WWOX: variants seen among roughly 807,000 people sequenced by gnomAD.
The protein encoded by WWOX is WW domain-containing oxidoreductase.
Under a neutral mutation model 46.2 loss-of-function variants are expected in WWOX, and 69 were observed. The ratio of observed to expected loss-of-function variants is 1.49; its 90% CI spans 1.23 to 1.82. The LOEUF is 1.82. WWOX is among the 40% of genes most tolerant of loss of function. The probability of loss-of-function intolerance (pLI) is 0.00; values close to 1 mark genes in which losing one functional copy is unlikely to be tolerated. For synonymous variants in WWOX, 359 were observed against 202.6 expected, an observed-to-expected ratio of 1.77 and a Z score of -6.56; for missense variants, 919 against 542.6, an observed-to-expected ratio of 1.69 and a Z score of -6.89.
At chr16:78,245,746 T>C (rs1259533102) in intron 5 of WWOX, among the ~76,000 whole-genome samples, 1 of 152,194 alleles carries the variant, frequency 6.6e-6, no homozygotes, top group Non-Finnish European at 1.5e-5. Context: ...AGTTCCAAAT[T>C]TGAATGTTTC....
chr16:79,003,308 G>A (rs1486087483), intron 8 of WWOX, among the ~76,000 whole-genome samples: 1 of 152,192 alleles, frequency 6.6e-6, no homozygotes, highest in Admixed American at 6.5e-5. Flanking sequence ...CAAGGAATGG[G>A]AGGAACGGGG....
chr16:78,528,504 C>G (rs558231628), intron 8 of WWOX, among the ~76,000 whole-genome samples: 99 of 152,180 alleles, frequency 6.5e-4, no homozygotes, highest in African/African-American at 2.2e-3. Flanking sequence ...TTCATGATGA[C>G]TTTAAAATTA....
chr16:78,873,501 G>A (rs2044171050), intron 8 of WWOX: 1 of 152,130 alleles, frequency 6.6e-6, no homozygotes, highest in African/African-American at 2.4e-5. Context: ...TAAATACTTG[G>A]AGGGCCAGGC....
At chr16:78,955,279 T>A (rs868867201) in intron 8 of WWOX, among the ~76,000 whole-genome samples, 11 of 152,174 alleles carry the variant, frequency 7.2e-5, no homozygotes, top group Middle Eastern at 3.2e-3. Flanking sequence ...ATGTCCCTCA[T>A]GCCCTAAAAT....
chr16:78,453,399 G>C (rs1371557515), intron 8 of WWOX, among the ~76,000 whole-genome samples: 2 of 151,342 alleles, frequency 1.3e-5, no homozygotes, highest in Non-Finnish European at 2.9e-5. Context: ...CTTCAGCCTG[G>C]GCGCATGAGC....
chr16:78,778,130 C>G (rs929222940), intron 8 of WWOX, among the ~76,000 whole-genome samples: 1 of 151,410 alleles, frequency 6.6e-6, no homozygotes, highest in African/African-American at 2.4e-5. Flanking sequence ...GTCTGAAGTT[C>G]AAACTGGTGA....
intron 8 of WWOX, among the ~76,000 whole-genome samples, chr16:78,931,544 A>T (rs1484596144): frequency 6.6e-6 from 1 of 152,198 alleles, no homozygotes; most frequent in African/African-American, 2.4e-5. Flanking sequence ...AAAGGTGAGG[A>T]TACAAAGGCA....
intron 8 of WWOX, among the ~76,000 whole-genome samples, chr16:79,104,380 G>A (rs575055332): frequency 8.5e-5 from 13 of 152,076 alleles, no homozygotes; most frequent in East Asian, 1.9e-4. Context: ...ATACATCAAA[G>A]TTGAAAGAAT....
chr16:78,170,484 G>C (rs557602806), intron 5 of WWOX, among the ~76,000 whole-genome samples: 6 of 152,308 alleles, frequency 3.9e-5, no homozygotes, highest in Admixed American at 2.6e-4. Context: ...GCAAAGTGAT[G>C]CTTACTTTTC....
chr16:78,100,405 A>G (rs2031693810), intron 1 of WWOX, among the ~76,000 whole-genome samples: 1 of 152,092 alleles, frequency 6.6e-6, no homozygotes, highest in African/African-American at 2.4e-5. Flanking sequence ...AGCGTGCACT[A>G]CTATGCCCGA....
intron 8 of WWOX, among the ~76,000 whole-genome samples, chr16:78,728,043 T>TCTCC (rs2048877050): frequency 1.1e-5 from 1 of 88,172 alleles, no homozygotes; most frequent in Non-Finnish European, 2.3e-5. Flanking sequence ...CTCTTTCCTC[T>TCTCC]CTCCCTCCTT....
At chr16:78,661,536 C>T (rs754038567) in intron 8 of WWOX, among the ~76,000 whole-genome samples, 5 of 151,988 alleles carry the variant, frequency 3.3e-5, no homozygotes, top group South Asian at 4.2e-4. Context: ...TAGCTTTCAC[C>T]GCGGCATCTT....
At chr16:78,706,072 T>TTG in intron 8 of WWOX, among the ~76,000 whole-genome samples, 1 of 150,976 alleles carries the variant, frequency 6.6e-6, no homozygotes, top group East Asian at 1.9e-4. Context: ...TTTTTTTTTT[T>TTG]TTTTTTTGAC....
intron 8 of WWOX, among the ~76,000 whole-genome samples, chr16:78,584,959 A>G (rs1385696589): frequency 1.3e-5 from 2 of 152,222 alleles, no homozygotes; most frequent in Admixed American, 6.5e-5. Flanking sequence ...TTTCCCAACA[A>G]CTGAGGTGCC....
At chr16:78,447,583 A>T (rs1400275442) in intron 8 of WWOX, among the ~76,000 whole-genome samples, 4 of 152,094 alleles carry the variant, frequency 2.6e-5, no homozygotes. Flanking sequence ...CTCCCCTTAG[A>T]CTCCATTGTT....
chr16:78,246,273 T>C (rs2037811739), intron 5 of WWOX, among the ~76,000 whole-genome samples: 1 of 152,208 alleles, frequency 6.6e-6, no homozygotes, highest in African/African-American at 2.4e-5. Flanking sequence ...ACCAAAGAGC[T>C]GTGTATGGAA....
intron 8 of WWOX, among the ~76,000 whole-genome samples, chr16:78,671,647 TTA>T (rs1375045665): frequency 6.6e-6 from 1 of 152,170 alleles, no homozygotes; most frequent in Non-Finnish European, 1.5e-5. Context: ...GGAGGTGATT[TTA>T]AGGCACAAAT....
chr16:78,745,733 C>G (rs374821105), intron 8 of WWOX, among the ~76,000 whole-genome samples: 1 of 151,424 alleles, frequency 6.6e-6, no homozygotes, highest in African/African-American at 2.4e-5. Context: ...TTCTTTTCCT[C>G]CTCCTTCTCC....
At chr16:78,321,380 G>GCGTATATATATACGTATATATA (rs1274238083) in intron 5 of WWOX, among the ~76,000 whole-genome samples, 15 of 49,596 alleles carry the variant, frequency 3.0e-4, no homozygotes, top group Admixed American at 8.7e-4. Flanking sequence ...ACGTATATAT[G>GCGTATATATATACGTATATATA]CGTATATATA....
Sources: allele counts gnomAD v4.1 joint callset (sites outside exome capture counted in the v4.1 genomes callset), GRCh38; gene constraint gnomAD v4.1.1; transcripts MANE v1.5; gene names NCBI Gene and HGNC (gene_info 2026-07-23, HGNC 2026-07-21).